Variants in INSC observed in about 807,000 individuals in gnomAD.
INSC encodes INSC spindle orientation adaptor protein, also known as protein inscuteable homolog.
Under a neutral mutation model 58.6 loss-of-function variants are expected in INSC, and 67 were observed. The ratio of observed to expected loss-of-function variants is 1.14; its 90% CI spans 0.94 to 1.40. The LOEUF is 1.40. Among genes scored for constraint, INSC ranks in the 40% most tolerant of loss-of-function variants. The pLI, the probability that INSC is intolerant of heterozygous loss-of-function variation, is 0.00. For synonymous variants in INSC, 262 were observed against 276.1 expected (o/e 0.95, Z 0.51); for missense variants, 714 against 692.0 (o/e 1.03, Z -0.36).
At chr11:15,154,078 C>T (rs1848734212) in intron 2 of INSC, among the ~76,000 whole-genome samples, 1 of 152,102 alleles carries the variant, frequency 6.6e-6, no homozygotes, top group Admixed American at 6.5e-5. Context: ...CTGGGGTAGG[C>T]CAATAACAAT....
the INSC span, among the ~76,000 whole-genome samples, chr11:15,253,452 A>G: frequency 2.6e-5 from 4 of 152,084 alleles, no homozygotes; most frequent in Non-Finnish European, 5.9e-5. Context: ...ATCTCTGGCT[A>G]TATTAAACCT....
the INSC span, among the ~76,000 whole-genome samples, chr11:15,259,877 A>AT: frequency 7.9e-5 from 12 of 152,276 alleles, no homozygotes; most frequent in Non-Finnish European, 1.6e-4. Flanking sequence ...AAATTACCAG[A>AT]TTTTACTTAG....
At position 15,116,849 on chromosome 11, in the gene INSC, C is replaced by CTTTATT. The variant is rs760988315; in HGVS notation, c.-46+1847_-46+1848insTTATTT. Among the ~76,000 whole-genome samples the CTTTATT allele has an allele frequency of 2.9e-3, 70 of 23,792 alleles. 2 individuals carry two copies. Among genetic ancestry groups the CTTTATT allele is most frequent in the Admixed American group, 5.3e-3 (12 of 2,284 alleles). The allele number at this position is 23,792 out of a possible 152,430, so 15.6% of individuals were successfully genotyped here. A position where few individuals can be genotyped will look rare whatever the true frequency, so the allele number is the denominator to read the frequency against. ...TCTTTCTTTCTTTCTTTCTTTCTTT[C>CTTTATT]TCTCTCTCTCTCTCTCTCTCTCTCT... On this transcript the variant is annotated intron_variant, in intron 1 of 12. Coordinates refer to ENST00000379556, the MANE Select transcript of INSC (RefSeq NM_001042536.3).
At chr11:15,249,013 G>A (rs557440489), downstream of INSC, among the ~76,000 whole-genome samples, 10 of 152,128 alleles carry the variant, frequency 6.6e-5, no homozygotes, top group East Asian at 7.7e-4. Flanking sequence ...GGGCTTATCC[G>A]GTGGGAGCCA....
chr11:15,181,419 C>T (rs760398188), intron 5 of INSC, among the ~76,000 whole-genome samples: 1 of 152,050 alleles, frequency 6.6e-6, no homozygotes, highest in African/African-American at 2.4e-5. Context: ...TCTCCCCACC[C>T]CCTTCACCCC....
chr11:15,230,015 T>TA (rs1851858307), intron 9 of INSC, among the ~76,000 whole-genome samples: 2 of 34,120 alleles, frequency 5.9e-5, no homozygotes, highest in Admixed American at 4.1e-4. Flanking sequence ...ATATATATAA[T>TA]ATATATATAT....
At chr11:15,203,203 G>T (rs1850664017) in intron 7 of INSC, among the ~76,000 whole-genome samples, 1 of 152,156 alleles carries the variant, frequency 6.6e-6, no homozygotes, top group Non-Finnish European at 1.5e-5. Flanking sequence ...TCACGACCTT[G>T]CTGGTTTAAT....
intron 1 of INSC, among the ~76,000 whole-genome samples, chr11:15,125,394 A>G (rs1180665259): frequency 6.6e-6 from 1 of 152,200 alleles, no homozygotes; most frequent in Non-Finnish European, 1.5e-5. Context: ...GGTATAGTGA[A>G]CATTGAAAAA....
chr11:15,245,131 A>G (rs1055662171), intron 12 of INSC, among the ~76,000 whole-genome samples: 1 of 152,170 alleles, frequency 6.6e-6, no homozygotes, highest in African/African-American at 2.4e-5. Context: ...AATACCTAAA[A>G]GCTAGTTATG....
upstream of INSC, among the ~76,000 whole-genome samples, chr11:15,114,142 T>C (rs1393366950): frequency 6.7e-6 from 1 of 150,166 alleles, no homozygotes; most frequent in East Asian, 2.0e-4. Context: ...GGGAGTTGTA[T>C]GAAATGATCT....
At chr11:15,119,870 T>C (rs185193531) in intron 1 of INSC, among the ~76,000 whole-genome samples, 2 of 152,372 alleles carry the variant, frequency 1.3e-5, no homozygotes, top group Admixed American at 1.3e-4. Flanking sequence ...GGGTTCCTCA[T>C]AAGGCAATGT....
intron 2 of INSC, among the ~76,000 whole-genome samples, chr11:15,162,946 A>C (rs1564878019): frequency 6.6e-6 from 1 of 152,116 alleles, no homozygotes; most frequent in East Asian, 1.9e-4. Flanking sequence ...TATTTCTCCT[A>C]TCCATTCAGC....
rs551296755 is a variant in INSC at position 15,215,346 on chromosome 11, G to A, written c.820-6131G>A. ...CAAGGGATGGGAAGTGGGTGATTTG[G>A]GGATGCAGACTTTCCTAAAATGGGA... On this transcript the variant is annotated intron_variant, in intron 7 of 12. Transcript: ENST00000379556. 1.2e-4 allele frequency among the ~76,000 whole-genome samples: 19 copies of A among 152,362 alleles called. No individual in the cohort carries two copies. The South Asian group carries it at 3.9e-3, about 32-fold the overall frequency.
intron 5 of INSC, among the ~76,000 whole-genome samples, chr11:15,180,688 G>GT (rs1048661218): frequency 3.1e-5 from 3 of 97,382 alleles, no homozygotes; most frequent in Non-Finnish European, 4.2e-5. Flanking sequence ...GGAGTGAGGG[G>GT]GGGGGCGGGG....
chr11:15,218,248 TAAAC>T (rs1187709521), intron 7 of INSC, among the ~76,000 whole-genome samples: 2 of 152,216 alleles, frequency 1.3e-5, no homozygotes, highest in Admixed American at 6.5e-5. Flanking sequence ...AGAGGTTTCA[TAAAC>T]AAATACTGAC....
chr11:15,145,267 G>T (rs1848464680), intron 1 of INSC, among the ~76,000 whole-genome samples: 1 of 152,178 alleles, frequency 6.6e-6, no homozygotes, highest in Non-Finnish European at 1.5e-5. Flanking sequence ...TCCGTGGGTT[G>T]GCAATTTTCC....
chr11:15,161,842 G>T (rs1849031418), intron 2 of INSC, among the ~76,000 whole-genome samples: 1 of 152,212 alleles, frequency 6.6e-6, no homozygotes, highest in South Asian at 2.1e-4. Context: ...ATCAAGATTA[G>T]AGTAGTCACA....
chr11:15,269,404 A>G, the INSC span, among the ~76,000 whole-genome samples: 1 of 151,990 alleles, frequency 6.6e-6, no homozygotes, highest in African/African-American at 2.4e-5. Flanking sequence ...TCTCCCAACC[A>G]TCTTTAGGCA....
At chr11:15,191,608 A>T (rs539808808) in intron 6 of INSC, among the ~76,000 whole-genome samples, 3 of 152,298 alleles carry the variant, frequency 2.0e-5, no homozygotes, top group African/African-American at 7.2e-5. Context: ...ATTTTTTTTC[A>T]TATAGACTTG....
Sources: gnomAD v4.1 joint callset for allele counts (sites outside exome capture counted in the v4.1 genomes callset) on GRCh38, gnomAD v4.1.1 for gene constraint, MANE v1.5 for transcripts, NCBI Gene and HGNC (gene_info 2026-07-23, HGNC 2026-07-21) for gene names.